CUL9: variants seen among roughly 807,000 people sequenced by gnomAD.
CUL9 encodes cullin 9.
Under a neutral mutation model 272.6 loss-of-function variants are expected in CUL9, and 79 were observed. The ratio of observed to expected loss-of-function variants is 0.29; its 90% confidence interval spans 0.24 to 0.35. CUL9 has a LOEUF of 0.35. Among genes scored for constraint, CUL9 ranks in the 10% least tolerant of loss-of-function variants. The pLI, the probability that CUL9 is intolerant of heterozygous loss-of-function variation, is 1.00. For missense variants in CUL9, 2,532 were observed against 3,255.6 expected (o/e 0.78, Z 5.41); for synonymous variants, 1,186 against 1,286.5 (o/e 0.92, Z 1.67).
At chr6:43,201,030 G>T (rs113437920) in intron 16 of CUL9, among the ~76,000 whole-genome samples, 196 bp downstream of exon 16, 259 of 152,348 alleles carry the variant, frequency 1.7e-3, no homozygotes, top group African/African-American at 5.2e-3. Flanking sequence ...CTGGTGATCT[G>T]TACTCCAACA....
chr6:43,202,881 T>A, intron 17 of CUL9, 60 bp downstream of exon 17: 1 of 1,494,102 alleles, frequency 6.7e-7, no homozygotes, highest in Non-Finnish European at 9.3e-7. Context: ...TCCCAGTGCC[T>A]GTGGGAAGGA....
At chr6:43,205,145 T>TA (rs767692348) in intron 23 of CUL9, 30 bp downstream of exon 23, 23 of 1,574,342 alleles carry the variant, frequency 1.5e-5, no homozygotes, top group Non-Finnish European at 1.8e-5. Flanking sequence ...CACAGGGCTA[T>TA]AAGCTTGTGT....
chr6:43,204,099 T>C, intron 20 of CUL9, 112 bp downstream of exon 20: 1 of 1,367,254 alleles, frequency 7.3e-7, no homozygotes, highest in Non-Finnish European at 9.9e-7. Context: ...CCTGAAGGCC[T>C]GTCACCTCAG....
In CUL9 at chr6:43,193,142, C is replaced by T; in HGVS notation, c.2322C>T (p.Ile774=). The change falls in exon 9 of 41, where the codon ATC becomes ATT. Residue 774 remains isoleucine, a synonymous_variant. Coordinates refer to ENST00000252050, the MANE Select transcript of CUL9 (RefSeq NM_015089.4). Reference sequence around the variant, plus strand: ...CGCTCTTTGCCAGGGAGGGTGGCATCTATGCTGTGCTGGTCTGCATGCAAG... The same window carrying T: ...CGCTCTTTGCCAGGGAGGGTGGCATTTATGCTGTGCTGGTCTGCATGCAAG... ...WRPLFAREGG[I]YAVLVCMQEY... 6.2e-7 allele frequency: 1 copy of T among 1,614,198 alleles called. No homozygotes were observed.
chr6:43,182,353 C>T (rs766436067), intron 1 of CUL9, 104 bp downstream of exon 1: 5 of 152,602 alleles, frequency 3.3e-5, no homozygotes, highest in African/African-American at 9.6e-5. Context: ...CCAGGTCTTG[C>T]TCTCTGAGAT....
chr6:43,210,786 T>A (rs1775414046), intron 26 of CUL9, among the ~76,000 whole-genome samples: 1 of 152,136 alleles, frequency 6.6e-6, no homozygotes, highest in African/African-American at 2.4e-5. Context: ...ATTAATTGAC[T>A]GTTTCTAACT....
rs1344537765 is a variant in CUL9, at chr6:43,206,935, C to T, written c.5212+425C>T. 6.6e-6 allele frequency among the ~76,000 whole-genome samples: 1 copy of T among 152,126 alleles called. No homozygotes were observed. Among genetic ancestry groups the T allele is most frequent in the Non-Finnish European group, 1.5e-5 (1 of 68,014 alleles). ...TCTCTGCTCACTGCAGCCTCTACCT[C>T]CCGGGTTCAAGCGATTCTCCTGTCT... On this transcript the variant is annotated intron_variant, in intron 26 of 40. Transcript: ENST00000252050. The surrounding 1 kb of genome is among the most constrained non-coding windows in gnomAD (Gnocchi z 4.8).
At chr6:43,198,382 G>A (rs999334606) in intron 11 of CUL9, 9 of 981,844 alleles carry the variant, frequency 9.2e-6, no homozygotes, top group Non-Finnish European at 1.1e-5. Flanking sequence ...AAAATGTCTT[G>A]TGTTTAACTC....
At chr6:43,190,963 G>T (rs956775119) in intron 8 of CUL9, among the ~76,000 whole-genome samples, 4 of 151,992 alleles carry the variant, frequency 2.6e-5, no homozygotes, top group Non-Finnish European at 1.5e-5. Context: ...TCCTGCGCTT[G>T]TCTCGTAATT....
Position 43,216,138 on chromosome 6 carries a change from G to A in CUL9, c.5937-20G>A. 6.3e-7 allele frequency: 1 copy of A among 1,591,822 alleles called. No individual in the cohort carries two copies. The highest frequency in any genetic ancestry group is 8.6e-7 in the Non-Finnish European group (1 of 1,163,234). On this transcript the variant is annotated intron_variant, in intron 30 of 40. Coordinates refer to ENST00000252050, the MANE Select transcript of CUL9 (RefSeq NM_015089.4). ...TAGCAGGGCAGGAATACTGACTTCT[G>A]TCTCTTCCCTCCCCACAAGCCCAGA... is the stretch of plus-strand genomic sequence containing the variant.
chr6:43,213,434 T>A lies in CUL9; in HGVS notation c.5359-4T>A. ...ACTCCTGACTGGGCGTTTCTGCTCA[T>A]CAGGAGGTGTCAGTAGAGACCTTGC... is the stretch of plus-strand genomic sequence containing the variant. On this transcript the variant is annotated splice_region_variant and splice_polypyrimidine_tract_variant and intron_variant, in intron 27 of 40. Coordinates refer to ENST00000252050, the MANE Select transcript of CUL9 (RefSeq NM_015089.4). The surrounding 1 kb of genome is among the most constrained non-coding windows in gnomAD (Gnocchi z 5.7). The A allele has an allele frequency of 6.2e-7, 1 of 1,614,174 alleles. No individual in the cohort carries two copies. Among genetic ancestry groups the A allele is most frequent in the Non-Finnish European group, 8.5e-7 (1 of 1,180,004 alleles).
In CUL9 at chr6:43,198,639, A is replaced by T. The variant is rs201208950; in HGVS notation, c.2834A>T (p.Asp945Val). 2.4e-5 allele frequency: 39 copies of T among 1,614,120 alleles called. No homozygotes were observed. The Middle Eastern group carries it at 4.9e-4, about 20-fold the overall frequency. The change falls in exon 12 of 41, where the codon GAT becomes GTT. Residue 945 changes from aspartate (D) to valine (V), a missense_variant. Physicochemically the swap from Asp to Val is radical, Grantham distance 152. Coordinates refer to ENST00000252050, the MANE Select transcript of CUL9 (RefSeq NM_015089.4). ...ALETPIIQGQDGSPELLIRSL... is the reference protein window; with the variant it reads ...ALETPIIQGQVGSPELLIRSL... ...GAGACCCCCATCATCCAGGGTCAGG[A>T]TGGGTCCCCTGAGCTACTGATTCGA... is the stretch of plus-strand genomic sequence containing the variant.
In CUL9 at chr6:43,221,031, G is replaced by A. The variant is rs1776321896; in HGVS notation, c.6588+120G>A. ...GTCCTTCCTCAGCCTCTGCCACCCA[G>A]TTGAGCTCTGTTCCTCTTCCTGGAG... On this transcript the variant is annotated intron_variant, in intron 33 of 40. Coordinates refer to ENST00000252050, the MANE Select transcript of CUL9 (RefSeq NM_015089.4). The surrounding 1 kb of genome is among the most constrained non-coding windows in gnomAD (Gnocchi z 4.2). 1.4e-6 allele frequency: 2 copies of A among 1,470,676 alleles called. No individual in the cohort carries two copies. Among genetic ancestry groups the A allele is most frequent in the South Asian group, 2.6e-5 (2 of 75,534 alleles). 91.1% of individuals were successfully genotyped at this position (1,470,676 alleles called of 1,614,324 possible).
chr6:43,199,245 T>C lies in CUL9; in HGVS notation c.3051-21T>C. ...GCCACTGTGCCTGGCCTGACTTCAC[T>C]CGTTTCTACCCCCTCACCAGGGTCA... On this transcript the variant is annotated intron_variant, in intron 12 of 40. Coordinates refer to ENST00000252050, the MANE Select transcript of CUL9 (RefSeq NM_015089.4). The surrounding 1 kb of genome is among the most constrained non-coding windows in gnomAD (Gnocchi z 4.4). 1 of 1,597,876 alleles carries C rather than the reference T, an allele frequency of 6.3e-7. No individual in the cohort carries two copies. The highest frequency in any genetic ancestry group is 1.3e-5 in the African/African-American group (1 of 74,678).
rs964870218 is a variant in CUL9, at chr6:43,223,848, T to C, written c.7285-247T>C. On this transcript the variant is annotated intron_variant, in intron 39 of 40. Transcript: ENST00000252050. The surrounding 1 kb of genome is among the most constrained non-coding windows in gnomAD (Gnocchi z 4.1). ...GTTGCTTACTGACTGGTAAGTCACA[T>C]GGGCAGAAAAGACATAGATTCTGTA... The C allele has an allele frequency of 5.4e-6, 3 of 560,180 alleles. No homozygotes were observed. In the African/African-American group the frequency reaches 5.7e-5, roughly 11 times the overall value. 34.7% of individuals were successfully genotyped at this position (560,180 alleles called of 1,614,324 possible). A position where few individuals can be genotyped will look rare whatever the true frequency, so the allele number is the denominator to read the frequency against.
At chr6:43,186,871 T>A in intron 4 of CUL9, 89 bp from the exon 5 acceptor site, 1 of 1,510,148 alleles carries the variant, frequency 6.6e-7, no homozygotes, top group Non-Finnish European at 9.0e-7. Flanking sequence ...AGATCTATGC[T>A]TGGGCATGTC....
Position 43,204,418 on chromosome 6 carries a change from G to A in CUL9, c.4218G>A (p.Glu1406=), listed in dbSNP as rs1272707072. ...WLLDQYLEQR[E]TSRNPLSRAA... Reference sequence around the variant, plus strand: ...TGGATCAGTACTTAGAACAGAGAGAGACCTCTCGGAACCCCTTGAGTCGAG... The same window carrying A: ...TGGATCAGTACTTAGAACAGAGAGAAACCTCTCGGAACCCCTTGAGTCGAG... The change falls in exon 21 of 41, where the codon GAG becomes GAA. Residue 1406 remains glutamate, a synonymous_variant. Coordinates refer to ENST00000252050, the MANE Select transcript of CUL9 (RefSeq NM_015089.4). 1 of 1,614,040 alleles carries A rather than the reference G, an allele frequency of 6.2e-7. No individual in the cohort carries two copies. The highest frequency in any genetic ancestry group is 1.7e-5 in the Admixed American group (1 of 60,002).
In CUL9 at chr6:43,203,502, G is replaced by A. The variant is rs376267285; in HGVS notation, c.3935G>A (p.Arg1312His). 49 of 1,614,120 alleles carry A rather than the reference G, an allele frequency of 3.0e-5. 1 individual carries two copies. The highest frequency in any genetic ancestry group is 2.4e-4 in the African/African-American group (18 of 75,040). Residue 1312 changes from arginine to histidine, a missense_variant, in exon 19 of 41, where the codon CGC (arginine) becomes CAC (histidine). Physicochemically the swap from Arg to His is conservative, Grantham distance 29. Around this residue, in one of 3 missense-constraint regions of CUL9, gnomAD observed 2,218 missense variants for 2,788.6 expected, o/e 0.80. Transcript: ENST00000252050. This position sits in a 1 kb window ranked among gnomAD's most constrained non-coding sequence, Gnocchi z 5.0. ...CCACTGTTCCGGGAGCAGCTGTGTC[G>A]CCGAACATGTCTCTTCTACACAATT... ...FWPLFREQLCRRTCLFYTIRA... is the reference protein window; with the variant it reads ...FWPLFREQLCHRTCLFYTIRA...
chr6:43,185,686 A>C lies in CUL9; in HGVS notation c.750+76A>C. 5 of 1,498,278 alleles carry C rather than the reference A, an allele frequency of 3.3e-6. No homozygotes were observed. The South Asian group carries it at 6.3e-5, about 19-fold the overall frequency. The allele number at this position is 1,498,278 out of a possible 1,614,324, so 92.8% of individuals were successfully genotyped here. On this transcript the variant is annotated intron_variant, in intron 3 of 40. Coordinates refer to ENST00000252050, the MANE Select transcript of CUL9 (RefSeq NM_015089.4). ...TTATGAAAACGTGGTTCAGGACTGA[A>C]TGTTAGCACCAGAGCCACCTGGGAA...
Sources: gnomAD v4.1 joint callset for allele counts (sites outside exome capture counted in the v4.1 genomes callset) on GRCh38, gnomAD v4.1.1 for gene constraint, gnomAD v4.1.1 regional missense constraint, Gnocchi (gnomAD v3.1) non-coding constraint, MANE v1.5 for transcripts, NCBI Gene and HGNC (gene_info 2026-07-23, HGNC 2026-07-21) for gene names.